Variants in RNF144A observed in about 807,000 individuals in gnomAD.
RNF144A encodes ring finger protein 144A.
In RNF144A, 11 loss-of-function variants were observed where a neutral mutation model predicts 38.7. The observed-to-expected ratio is 0.28, with a 90% CI of 0.18 to 0.47. The LOEUF (loss-of-function observed/expected upper bound fraction) is 0.47, where lower values mean the gene tolerates loss of function less well. Ranked by LOEUF, RNF144A falls within the 20% of genes least tolerant of loss-of-function variation. The probability of loss-of-function intolerance (pLI) is 0.99; values close to 1 mark genes in which losing one functional copy is unlikely to be tolerated. For synonymous variants in RNF144A, 149 were observed against 143.9 expected, an observed-to-expected ratio of 1.04 and a Z score of -0.25; for missense variants, 316 against 377.2, an observed-to-expected ratio of 0.84 and a Z score of 1.34.
chr2:6,951,024 A>G (rs200192020), intron 2 of RNF144A, among the ~76,000 whole-genome samples: 11 of 152,186 alleles, frequency 7.2e-5, no homozygotes, highest in Non-Finnish European at 1.6e-4. Context: ...CATGCTGACT[A>G]TATCAGCCTT....
intron 2 of RNF144A, among the ~76,000 whole-genome samples, chr2:6,987,926 G>A (rs778262459): frequency 6.6e-6 from 1 of 152,070 alleles, no homozygotes; most frequent in Non-Finnish European, 1.5e-5. Context: ...GTGTTTTATG[G>A]GCTCCTTGGG....
chr2:6,947,822 C>T (rs1666436391), intron 2 of RNF144A, among the ~76,000 whole-genome samples: 1 of 152,154 alleles, frequency 6.6e-6, no homozygotes, highest in Non-Finnish European at 1.5e-5. Context: ...TCTGCCCTGT[C>T]CTGCCCACGT....
chr2:7,033,662 C>T (rs1244522597), intron 8 of RNF144A, among the ~76,000 whole-genome samples: 6 of 152,192 alleles, frequency 3.9e-5, no homozygotes, highest in African/African-American at 1.2e-4. Context: ...CGTGAAGTCT[C>T]TTGTGTGTGA....
chr2:6,994,308 T>G (rs747282141), intron 2 of RNF144A, among the ~76,000 whole-genome samples: 42 of 152,042 alleles, frequency 2.8e-4, no homozygotes, highest in Non-Finnish European at 5.6e-4. Flanking sequence ...GTGCCTGGGG[T>G]GAAGGTTTGT....
chr2:7,017,922 C>T (rs1671246021), intron 5 of RNF144A, among the ~76,000 whole-genome samples: 1 of 152,210 alleles, frequency 6.6e-6, no homozygotes, highest in South Asian at 2.1e-4. Flanking sequence ...ACAGGCAGTG[C>T]CGTGTCACAG....
intron 2 of RNF144A, among the ~76,000 whole-genome samples, chr2:6,969,793 G>A (rs944536282): frequency 1.3e-5 from 2 of 152,132 alleles, no homozygotes; most frequent in Middle Eastern, 3.2e-3. Flanking sequence ...AGACAGTCTC[G>A]CTGTGTCGCC....
At chr2:6,996,213 C>A (rs1387289833) in intron 2 of RNF144A, among the ~76,000 whole-genome samples, 1 of 152,230 alleles carries the variant, frequency 6.6e-6, no homozygotes, top group Non-Finnish European at 1.5e-5. Flanking sequence ...TCTGACCCTT[C>A]CACCCAGGCT....
intron 1 of RNF144A, among the ~76,000 whole-genome samples, chr2:6,920,238 G>A (rs916255498): frequency 6.6e-6 from 1 of 152,190 alleles, no homozygotes; most frequent in Non-Finnish European, 1.5e-5. Flanking sequence ...TCCCTCTGGG[G>A]GTAGAGATGG....
chr2:7,055,979 T>C (rs186514254), intron 6 of RNF144A, among the ~76,000 whole-genome samples: 135 of 152,328 alleles, frequency 8.9e-4, no homozygotes, highest in Non-Finnish European at 1.5e-3. Flanking sequence ...AGGGTCCTTA[T>C]GGAGCCTCTG....
At chr2:6,965,733 T>C (rs1667630179) in intron 2 of RNF144A, among the ~76,000 whole-genome samples, 1 of 152,078 alleles carries the variant, frequency 6.6e-6, no homozygotes, top group African/African-American at 2.4e-5. Context: ...TTTATAAAAA[T>C]TGCTTTTGGT....
Position 7,041,140 on chromosome 2 carries a change from T to A in RNF144A, c.*1380T>A. The stretch of plus-strand genomic sequence containing the variant: ...AAAAATAACAGGCAAATATTGTAGC[T>A]ATATTACAGTGGGATTTTAAAAATC... On this transcript the variant is annotated 3_prime_UTR_variant, in exon 9 of 9. Coordinates refer to ENST00000320892, the MANE Select transcript of RNF144A (RefSeq NM_014746.6). 1 of 980,198 alleles carries A rather than the reference T, an allele frequency of 1.0e-6. No individual in the cohort carries two copies. Among genetic ancestry groups the A allele is most frequent in the Non-Finnish European group, 1.2e-6 (1 of 825,168 alleles). 60.7% of individuals were successfully genotyped at this position (980,198 alleles called of 1,614,324 possible). A position where few individuals can be genotyped will look rare whatever the true frequency, so the allele number is the denominator to read the frequency against.
chr2:6,956,726 G>A (rs780553453), intron 2 of RNF144A, among the ~76,000 whole-genome samples: 35 of 152,154 alleles, frequency 2.3e-4, no homozygotes, highest in Non-Finnish European at 3.7e-4. Flanking sequence ...TTCAATGTGA[G>A]AACAACTCTG....
At chr2:6,947,522 T>G (rs1378299685) in intron 2 of RNF144A, among the ~76,000 whole-genome samples, 1 of 152,176 alleles carries the variant, frequency 6.6e-6, no homozygotes, top group Non-Finnish European at 1.5e-5. Flanking sequence ...GAAGAAAGTT[T>G]CTACATATAT....
chr2:7,047,231 C>G (rs1473766374), downstream of RNF144A, among the ~76,000 whole-genome samples: 1 of 151,934 alleles, frequency 6.6e-6, no homozygotes, highest in Non-Finnish European at 1.5e-5. Flanking sequence ...GTGCAAGAGC[C>G]TGTATGAAGT....
At chr2:7,000,862 A>G (rs578030607) in intron 3 of RNF144A, among the ~76,000 whole-genome samples, 1 of 149,818 alleles carries the variant, frequency 6.7e-6, no homozygotes, top group Non-Finnish European at 1.5e-5. Flanking sequence ...TATTGCGTTT[A>G]TATATATATA....
chr2:7,044,835 G>A (rs1298715509), downstream of RNF144A, among the ~76,000 whole-genome samples: 1 of 152,182 alleles, frequency 6.6e-6, no homozygotes, highest in Non-Finnish European at 1.5e-5. Flanking sequence ...ATATCTACAG[G>A]TGCACATTAA....
intron 2 of RNF144A, among the ~76,000 whole-genome samples, chr2:6,948,268 G>A (rs1416188890): frequency 6.6e-6 from 1 of 152,206 alleles, no homozygotes; most frequent in Non-Finnish European, 1.5e-5. Flanking sequence ...TTCTGTCACA[G>A]CACAGAGAGA....
chr2:6,987,124 G>T (rs1669013851), intron 2 of RNF144A, among the ~76,000 whole-genome samples: 1 of 152,134 alleles, frequency 6.6e-6, no homozygotes, highest in African/African-American at 2.4e-5. Context: ...GTTTAAGTTT[G>T]TGTGTGGAGT....
rs1481165895 is a variant in RNF144A, at chr2:7,041,750, G to A, written c.*1990G>A. The stretch of plus-strand genomic sequence containing the variant: ...CCCACAGGACACGCCTCCACCATAT[G>A]CTCATCCTTCCTGCCTGAAATTGCT... On this transcript the variant is annotated 3_prime_UTR_variant, in exon 9 of 9. Coordinates refer to ENST00000320892, the MANE Select transcript of RNF144A (RefSeq NM_014746.6). 6.1e-6 allele frequency: 6 copies of A among 985,494 alleles called. No homozygotes were observed. Among genetic ancestry groups the A allele is most frequent in the Non-Finnish European group, 7.2e-6 (6 of 830,076 alleles). 61.0% of individuals were successfully genotyped at this position (985,494 alleles called of 1,614,324 possible).
Sources: gnomAD v4.1 joint callset for allele counts (sites outside exome capture counted in the v4.1 genomes callset) on GRCh38, gnomAD v4.1.1 for gene constraint, MANE v1.5 for transcripts, NCBI Gene and HGNC (gene_info 2026-07-23, HGNC 2026-07-21) for gene names.